The following DUSP8 variants were observed in gnomAD, a reference collection of about 807,000 sequenced individuals.
DUSP8 encodes the protein dual specificity phosphatase 8, also known as dual specificity protein phosphatase 8.
In DUSP8, 15 loss-of-function variants were observed where a neutral mutation model predicts 38.7. The ratio of observed to expected loss-of-function variants is 0.39; its 90% CI spans 0.26 to 0.60. DUSP8 has a LOEUF of 0.60. Ranked by LOEUF, DUSP8 falls within the 20% of genes least tolerant of loss-of-function variation. The pLI is 0.56. For missense variants in DUSP8, 768 were observed against 915.0 expected (o/e 0.84, Z 2.07); for synonymous variants, 458 against 433.9 (o/e 1.06, Z -0.69).
At chr11:1,570,869 G>GC (rs1444453552) in intron 1 of DUSP8, among the ~76,000 whole-genome samples, 3 of 152,130 alleles carry the variant, frequency 2.0e-5, no homozygotes, top group African/African-American at 7.2e-5. Flanking sequence ...AAGGGAGAGT[G>GC]CCGGGGTTTG....
chr11:1,568,714 T>C (rs1000936550), intron 1 of DUSP8, among the ~76,000 whole-genome samples: 1 of 152,088 alleles, frequency 6.6e-6, no homozygotes, highest in Admixed American at 6.5e-5. Flanking sequence ...TAACCTTCCT[T>C]CCCACTCCAG....
In DUSP8 at chr11:1,558,162, T is replaced by C. The variant is rs764378533; in HGVS notation, c.647A>G (p.Asn216Ser). 1 of 1,611,822 alleles carries C rather than the reference T, an allele frequency of 6.2e-7. No homozygotes were observed. The highest frequency in any genetic ancestry group is 8.5e-7 in the Non-Finnish European group (1 of 1,179,800). ...CCAGGGCAGCAGTTTTTCACAGTAG[T>C]TGTCGTTGATGGGGACCCGCATGAA... ...SRFMRVPIND[N>S]YCEKLLPWLD... Residue 216 changes from asparagine (N) to serine (S), a missense_variant, in exon 5 of 7, where the codon AAC becomes AGC. Transcript: ENST00000397374. The surrounding 1 kb of genome is among the most constrained non-coding windows in gnomAD (Gnocchi z 6.3).
intron 1 of DUSP8, among the ~76,000 whole-genome samples, chr11:1,570,200 A>T (rs1276687267): frequency 6.6e-6 from 1 of 152,184 alleles, no homozygotes; most frequent in African/African-American, 2.4e-5. Flanking sequence ...TCAGAGCCGG[A>T]CATATCCAGG....
Position 1,557,071 on chromosome 11 carries a change from C to G in DUSP8, c.1325G>C (p.Ser442Thr). Residue 442 changes from serine to threonine, a missense_variant, in exon 7 of 7, where the codon AGC (serine) becomes ACC (threonine). This residue lies in a region of DUSP8 where 474 missense variants were observed against 430.8 expected (regional missense o/e 1.10). Transcript: ENST00000397374. The surrounding 1 kb of genome is among the most constrained non-coding windows in gnomAD (Gnocchi z 9.9). ...GCGCGCCTCAGGCGCGGCGTCCGGG[C>G]TGTCCGGGCTGGGCGAGGACAGGCC... ...ALGLSSPSPD[S>T]PDAAPEARPR... is the part of the protein sequence containing the mutation. 5 of 1,229,354 alleles carry G rather than the reference C, an allele frequency of 4.1e-6. No individual in the cohort carries two copies. Among genetic ancestry groups the G allele is most frequent in the Non-Finnish European group, 5.1e-6 (5 of 984,168 alleles). 76.2% of individuals were successfully genotyped at this position (1,229,354 alleles called of 1,614,324 possible).
At position 1,561,898 on chromosome 11, in the gene DUSP8, G is replaced by A. The variant is rs138738814; in HGVS notation, c.370+1953C>T. 1.3e-3 allele frequency among the ~76,000 whole-genome samples: 197 copies of A among 152,322 alleles called. 1 individual carries two copies. Among genetic ancestry groups the A allele is most frequent in the Non-Finnish European group, 2.1e-3 (140 of 68,006 alleles). On this transcript the variant is annotated intron_variant, in intron 3 of 6. Coordinates refer to ENST00000397374, the MANE Select transcript of DUSP8 (RefSeq NM_004420.3). ...GGCTGTGCCCACCACAGGGTGGGAG[G>A]GAGCCTGAGGGCAGAGCCCGTGGGC...
intron 1 of DUSP8, 102 bp from the exon 2 acceptor site, chr11:1,566,036 C>T: frequency 1.8e-6 from 1 of 565,724 alleles, no homozygotes; most frequent in Non-Finnish European, 3.2e-6. Flanking sequence ...CACCAGGACA[C>T]ACCAACATGT....
intron 3 of DUSP8, among the ~76,000 whole-genome samples, chr11:1,563,357 C>G (rs1467918795): frequency 6.6e-6 from 1 of 152,124 alleles, no homozygotes; most frequent in Non-Finnish European, 1.5e-5. Context: ...GGGCGGCTTC[C>G]CTGCCTCCAG....
chr11:1,568,703 C>T (rs1848843945), intron 1 of DUSP8, among the ~76,000 whole-genome samples: 1 of 152,196 alleles, frequency 6.6e-6, no homozygotes, highest in African/African-American at 2.4e-5. Flanking sequence ...CTACCTGGTC[C>T]TAACCTTCCT....
chr11:1,558,055 A>C lies in DUSP8; in HGVS notation c.697+57T>G. ...GGACCCCTCCTGTGTCTGTGGCCAC[A>C]CACAGCTCTAGCCTTCCTCTAGCCA... On this transcript the variant is annotated intron_variant, in intron 5 of 6. Coordinates refer to ENST00000397374, the MANE Select transcript of DUSP8 (RefSeq NM_004420.3). The surrounding 1 kb of genome is among the most constrained non-coding windows in gnomAD (Gnocchi z 6.3). 9 of 1,611,526 alleles carry C rather than the reference A, an allele frequency of 5.6e-6. No individual in the cohort carries two copies. Among genetic ancestry groups the C allele is most frequent in the Non-Finnish European group, 7.6e-6 (9 of 1,179,488 alleles).
In DUSP8 at chr11:1,557,160, C is replaced by G; in HGVS notation, c.1236G>C (p.Gly412=). 1 of 1,442,176 alleles carries G rather than the reference C, an allele frequency of 6.9e-7. No homozygotes were observed. The highest frequency in any genetic ancestry group is 1.4e-5 in the South Asian group (1 of 72,004). 89.3% of individuals were successfully genotyped at this position (1,442,176 alleles called of 1,614,324 possible). Residue 412 remains glycine (G), a synonymous_variant, in exon 7 of 7, where the codon GGG becomes GGC. Transcript: ENST00000397374. The surrounding 1 kb of genome is among the most constrained non-coding windows in gnomAD (Gnocchi z 9.9). ...TCGGGGCCTCGCCGGGGTCGGGGGGCCCGGGGCCGTCGGGCCGCCTGCTAG... is the reference window on the plus strand; with the variant it reads ...TCGGGGCCTCGCCGGGGTCGGGGGGGCCGGGGCCGTCGGGCCGCCTGCTAG... ...YAPSRRPDGP[G]PPDPGEAPKL...
In DUSP8 at chr11:1,557,790, G is replaced by A; in HGVS notation, c.821+4C>T. 1.2e-6 allele frequency: 2 copies of A among 1,612,702 alleles called. No homozygotes were observed. Among genetic ancestry groups the A allele is most frequent in the Non-Finnish European group, 1.7e-6 (2 of 1,179,978 alleles). ...CACAAGTGCGCGACTGGGGAAGGTG[G>A]TACCTGTAGGCGTCGTCGGAGGACA... On this transcript the variant is annotated splice_donor_region_variant and intron_variant, in intron 6 of 6. Coordinates refer to ENST00000397374, the MANE Select transcript of DUSP8 (RefSeq NM_004420.3). The surrounding 1 kb of genome is among the most constrained non-coding windows in gnomAD (Gnocchi z 9.9).
chr11:1,562,538 G>C (rs1182564835), intron 3 of DUSP8, among the ~76,000 whole-genome samples: 2 of 152,166 alleles, frequency 1.3e-5, no homozygotes, highest in Non-Finnish European at 2.9e-5. Context: ...ATCTCACCCA[G>C]ACAAGCACAG....
rs1373645511 is a variant in DUSP8 at position 1,557,054 on chromosome 11, C to T, written c.1342G>A (p.Glu448Lys). The stretch of plus-strand genomic sequence containing the variant: ...CGCCGGCGGGGCCGTGGGCGCGCCT[C>T]AGGCGCGGCGTCCGGGCTGTCCGGG... ...PSPDSPDAAP[E>K]ARPRPRRRPR... Residue 448 changes from glutamate to lysine, a missense_variant, in exon 7 of 7, where the codon GAG becomes AAG. Physicochemically the swap from Glu to Lys is moderately conservative, Grantham distance 56 (BLOSUM62 1). Around this residue, in one of 3 missense-constraint regions of DUSP8, gnomAD observed 474 missense variants for 430.8 expected, o/e 1.10. Transcript: ENST00000397374. The surrounding 1 kb of genome is among the most constrained non-coding windows in gnomAD (Gnocchi z 9.9). 7.8e-6 allele frequency: 9 copies of T among 1,158,438 alleles called. No individual in the cohort carries two copies. The highest frequency in any genetic ancestry group is 8.0e-5 in the East Asian group (2 of 25,052). 71.8% of individuals were successfully genotyped at this position (1,158,438 alleles called of 1,614,324 possible).
intron 3 of DUSP8, among the ~76,000 whole-genome samples, chr11:1,563,199 A>G (rs1170052553): frequency 6.6e-6 from 1 of 152,186 alleles, no homozygotes; most frequent in Admixed American, 6.5e-5. Context: ...TCCCTGGGAC[A>G]GGCCAGCTCC....
intron 1 of DUSP8, among the ~76,000 whole-genome samples, chr11:1,568,486 C>G (rs966246147): frequency 1.3e-5 from 2 of 152,136 alleles, no homozygotes; most frequent in African/African-American, 4.8e-5. Flanking sequence ...TATTTGCAGC[C>G]GAAGGGGATT....
intron 1 of DUSP8, among the ~76,000 whole-genome samples, chr11:1,570,915 G>C (rs999898508): frequency 1.3e-5 from 2 of 152,024 alleles, no homozygotes; most frequent in Non-Finnish European, 2.9e-5. Flanking sequence ...GGCACAAAAG[G>C]AGCTTCCCTG....
At position 1,557,449 on chromosome 11, in the gene DUSP8, G is replaced by A. The variant is rs762127578; in HGVS notation, c.947C>T (p.Thr316Met). 9 of 1,560,374 alleles carry A rather than the reference G, an allele frequency of 5.8e-6. No individual in the cohort carries two copies. The highest frequency in any genetic ancestry group is 2.3e-5 in the South Asian group (2 of 85,470). The change falls in exon 7 of 7, where the codon ACG (threonine) becomes ATG (methionine). Residue 316 changes from threonine (T) to methionine (M), a missense_variant. By Grantham distance (81) the Thr-to-Met change is moderately conservative. Around this residue, in one of 3 missense-constraint regions of DUSP8, gnomAD observed 474 missense variants for 430.8 expected, o/e 1.10. Coordinates refer to ENST00000397374, the MANE Select transcript of DUSP8 (RefSeq NM_004420.3). The surrounding 1 kb of genome is among the most constrained non-coding windows in gnomAD (Gnocchi z 9.9). ...LQGDPGTPSG[T>M]PEPPPSPAAG... ...GGCAGGACTGGGCGGAGGCTCCGGC[G>A]TCCCTGAGGGGGTGCCCGGGTCGCC...
intron 3 of DUSP8, among the ~76,000 whole-genome samples, chr11:1,563,001 G>C (rs1848746281): frequency 1.3e-5 from 2 of 152,286 alleles, no homozygotes; most frequent in Middle Eastern, 3.4e-3. Context: ...CCTCAGGCTG[G>C]GTGAAGGTCC....
rs1848676541 is a variant in DUSP8 at position 1,558,925 on chromosome 11, G to A, written c.501C>T (p.His167=). 1 of 1,612,852 alleles carries A rather than the reference G, an allele frequency of 6.2e-7. No homozygotes were observed. Among genetic ancestry groups the A allele is most frequent in the African/African-American group, 1.3e-5 (1 of 75,040 alleles). ...PSVGLTRILP[H]LYLGSQKDVL... ...CGTCCTTCTGCGAGCCCAGGTAGAG[G>A]TGAGGCAGGATGCGGGTCAGGCCCA... Residue 167 remains histidine (H), a synonymous_variant, in exon 4 of 7, where the codon CAC becomes CAT. Transcript: ENST00000397374. The surrounding 1 kb of genome is among the most constrained non-coding windows in gnomAD (Gnocchi z 6.3).
Sources: allele counts gnomAD v4.1 joint callset (sites outside exome capture counted in the v4.1 genomes callset), GRCh38; gene constraint gnomAD v4.1.1; regional missense constraint gnomAD v4.1.1; non-coding constraint Gnocchi (gnomAD v3.1); transcripts MANE v1.5; gene names NCBI Gene and HGNC (gene_info 2026-07-23, HGNC 2026-07-21).